Variants in OOSP1 observed in about 807,000 individuals in gnomAD.
The protein encoded by OOSP1 is putative oocyte-secreted protein 1 homolog.
OOSP1 carries 11 observed loss-of-function variants against 5.7 expected under a neutral mutation model. The ratio of observed to expected loss-of-function variants is 1.94; its 90% CI spans 1.22 to 3.20. The LOEUF (loss-of-function observed/expected upper bound fraction) is 3.20, where lower values mean the gene tolerates loss of function less well. Ranked by LOEUF, OOSP1 falls within the 30% of genes most tolerant of loss-of-function variation. The probability of loss-of-function intolerance (pLI) is 0.00; values close to 1 mark genes in which losing one functional copy is unlikely to be tolerated. For synonymous variants in OOSP1, 44 were observed against 20.0 expected (o/e 2.20, Z -3.20); for missense variants, 83 against 54.1 (o/e 1.53, Z -1.67).
chr11:59,941,719 T>C (rs1853828380), intron 1 of OOSP1, among the ~76,000 whole-genome samples: 1 of 152,186 alleles, frequency 6.6e-6, no homozygotes, highest in Non-Finnish European at 1.5e-5. Context: ...TTTATTTCCC[T>C]GGGATAAATG....
chr11:59,945,458 C>T (rs1565231882), intron 3 of OOSP1, 192 bp downstream of exon 3: 2 of 637,444 alleles, frequency 3.1e-6, no homozygotes, highest in Admixed American at 2.1e-5. Context: ...AAGAGAAATG[C>T]TGGCTGGGCA....
chr11:59,947,358 A>G (rs541490904), intron 3 of OOSP1, among the ~76,000 whole-genome samples: 1 of 152,182 alleles, frequency 6.6e-6, no homozygotes, highest in East Asian at 1.9e-4. Flanking sequence ...TCTGGGTTCA[A>G]GGAAGTCTCT....
chr11:59,942,097 T>C (rs1853833568), intron 1 of OOSP1, among the ~76,000 whole-genome samples: 1 of 152,188 alleles, frequency 6.6e-6, no homozygotes, highest in Non-Finnish European at 1.5e-5. Flanking sequence ...CCTTCTAGTA[T>C]CTTAAGAGCA....
intron 2 of OOSP1, among the ~76,000 whole-genome samples, chr11:59,944,398 T>C (rs139538941): frequency 1.2e-3 from 183 of 151,836 alleles, no homozygotes; most frequent in African/African-American, 4.3e-3. Context: ...AACTGAATAA[T>C]CTGGGTGGTG....
chr11:59,957,398 T>C (rs1456228045), exon 5 of OOSP1: 1 of 389,564 alleles, frequency 2.6e-6, no homozygotes, highest in African/African-American at 2.1e-5. Context: ...TTAATGATGA[T>C]ACTGGTTTCT....
At chr11:59,943,540 A>G (rs1240805013) in intron 2 of OOSP1, among the ~76,000 whole-genome samples, 2 of 152,218 alleles carry the variant, frequency 1.3e-5, no homozygotes, top group East Asian at 3.9e-4. Flanking sequence ...TGCAAACACT[A>G]ATTATTCATT....
chr11:59,946,656 T>G (rs1853886615), intron 3 of OOSP1, among the ~76,000 whole-genome samples: 1 of 152,170 alleles, frequency 6.6e-6, no homozygotes, highest in African/African-American at 2.4e-5. Flanking sequence ...GTTATTTCAG[T>G]TATTTAAACT....
exon 3 of OOSP1, chr11:59,945,207 G>A: frequency 5.7e-6 from 4 of 702,894 alleles, no homozygotes; most frequent in South Asian, 1.5e-5. Flanking sequence ...CTAAAATCAG[G>A]TATATCTCAA....
intron 3 of OOSP1, chr11:59,945,473 G>A: frequency 1.6e-6 from 1 of 607,020 alleles, no homozygotes; most frequent in Non-Finnish European, 3.1e-6. Context: ...TGGGCACGGT[G>A]GCTCACACCT....
intron 4 of OOSP1, among the ~76,000 whole-genome samples, 166 bp from the exon 5 acceptor site, chr11:59,957,029 C>G (rs1365071137): frequency 6.6e-6 from 1 of 152,068 alleles, no homozygotes; most frequent in Admixed American, 6.5e-5. Flanking sequence ...GTGCAAGTAT[C>G]TTTTTCATAT....
At chr11:59,945,538 G>A (rs964544415) in intron 3 of OOSP1, among the ~76,000 whole-genome samples, 5 of 151,484 alleles carry the variant, frequency 3.3e-5, no homozygotes, top group East Asian at 1.9e-4. Flanking sequence ...TCAGAAGATC[G>A]GGACCATCCT....
In OOSP1 at chr11:59,956,077, C is replaced by T. The variant is rs115762103; in HGVS notation, c.487-1118C>T. Among the ~76,000 whole-genome samples the T allele has an allele frequency of 2.7e-3, 411 of 152,186 alleles. 4 individuals are homozygous for T. Among genetic ancestry groups the T allele is most frequent in the East Asian group, 0.014 (72 of 5,186 alleles). Reference sequence around the variant, plus strand: ...GACTAGTACACCAATCTGTGACCAGCGGATATAGAAATGGAGGGTGAACTA... The same window carrying T: ...GACTAGTACACCAATCTGTGACCAGTGGATATAGAAATGGAGGGTGAACTA... On this transcript the variant is annotated intron_variant, in intron 4 of 4. Transcript: ENST00000646685.
intron 3 of OOSP1, 86 bp downstream of exon 3, chr11:59,945,352 G>C: frequency 1.4e-6 from 1 of 701,104 alleles, no homozygotes; most frequent in South Asian, 1.5e-5. Flanking sequence ...AGGTTAAATG[G>C]TACAACCAGT....
intron 3 of OOSP1, among the ~76,000 whole-genome samples, chr11:59,945,827 T>C (rs1267725273): frequency 6.6e-6 from 1 of 151,402 alleles, no homozygotes; most frequent in East Asian, 1.9e-4. Flanking sequence ...TGGCTCATTG[T>C]TCTGCAAGCT....
chr11:59,943,756 C>T (rs1853854757), intron 2 of OOSP1, among the ~76,000 whole-genome samples: 1 of 152,092 alleles, frequency 6.6e-6, no homozygotes, highest in African/African-American at 2.4e-5. Context: ...CAGCCCTAGC[C>T]CCTACTCACC....
intron 4 of OOSP1, among the ~76,000 whole-genome samples, chr11:59,949,467 T>A (rs1019041057): frequency 1.8e-4 from 27 of 151,436 alleles, no homozygotes; most frequent in Admixed American, 6.6e-4. Context: ...CGTTCACACA[T>A]GTACCCTAAA....
chr11:59,946,961 ATCTATCTG>A (rs1393584394), intron 3 of OOSP1, among the ~76,000 whole-genome samples: 63 of 144,500 alleles, frequency 4.4e-4, no homozygotes, highest in East Asian at 1.2e-3. Flanking sequence ...CTATCTATCT[ATCTATCTG>A]TCTATCTACT....
At chr11:59,951,773 GTTTTTTTTTTT>G (rs60435750) in intron 4 of OOSP1, among the ~76,000 whole-genome samples, 1 of 57,994 alleles carries the variant, frequency 1.7e-5, no homozygotes, top group Admixed American at 2.4e-4. Flanking sequence ...CAGTGGCACA[GTTTTTTTTTTT>G]TTTTTTTTTT....
intron 4 of OOSP1, among the ~76,000 whole-genome samples, chr11:59,954,046 C>T (rs1853966424): frequency 6.6e-6 from 1 of 152,182 alleles, no homozygotes; most frequent in African/African-American, 2.4e-5. Flanking sequence ...CCTGTTGCTT[C>T]TAGGATACAA....
Sources: allele counts gnomAD v4.1 joint callset (sites outside exome capture counted in the v4.1 genomes callset), GRCh38; gene constraint gnomAD v4.1.1; transcripts MANE v1.5; gene names NCBI Gene and HGNC (gene_info 2026-07-23, HGNC 2026-07-21).